CHP1: variants seen among roughly 807,000 people sequenced by gnomAD.
The protein encoded by CHP1 is calcineurin like EF-hand protein 1.
In CHP1, 11 loss-of-function variants were observed where a neutral mutation model predicts 27.4. The ratio of observed to expected loss-of-function variants is 0.40; its 90% confidence interval spans 0.25 to 0.67. CHP1 has a LOEUF of 0.67. CHP1 is among the 30% of genes least tolerant of loss of function. The pLI, the probability that CHP1 is intolerant of heterozygous loss-of-function variation, is 0.38. For missense variants in CHP1, 169 were observed against 251.3 expected, an observed-to-expected ratio of 0.67 and a Z score of 2.22; for synonymous variants, 89 against 87.4, an observed-to-expected ratio of 1.02 and a Z score of -0.10.
intron 1 of CHP1, among the ~76,000 whole-genome samples, chr15:41,241,000 A>C (rs976525823): frequency 2.5e-4 from 38 of 152,048 alleles, no homozygotes; most frequent in African/African-American, 8.9e-4. Flanking sequence ...CTAGAGGCAG[A>C]CGCCACCACA....
intron 4 of CHP1, among the ~76,000 whole-genome samples, chr15:41,263,666 G>A (rs954917362): frequency 2.0e-5 from 3 of 152,186 alleles, no homozygotes; most frequent in African/African-American, 7.2e-5. Flanking sequence ...CTTGAGCCCA[G>A]GAGTTTGAGA....
In CHP1 at chr15:41,231,317, C is replaced by A; in HGVS notation, c.-66C>A. On this transcript the variant is annotated 5_prime_UTR_variant, in exon 1 of 7. Coordinates refer to ENST00000334660, the MANE Select transcript of CHP1 (RefSeq NM_007236.5). ...CTTGACCCCTAGCCCTTCCTTCCCTCCCTCCTTCCCTCCTGTCGCCGTCTC... is the reference window on the plus strand; with the variant it reads ...CTTGACCCCTAGCCCTTCCTTCCCTACCTCCTTCCCTCCTGTCGCCGTCTC... The A allele has an allele frequency of 6.8e-7, 1 of 1,460,438 alleles. No individual in the cohort carries two copies. The highest frequency in any genetic ancestry group is 9.4e-7 in the Non-Finnish European group (1 of 1,062,472). 90.5% of individuals were successfully genotyped at this position (1,460,438 alleles called of 1,614,324 possible).
intron 2 of CHP1, among the ~76,000 whole-genome samples, chr15:41,249,536 G>A (rs1246518649): frequency 3.1e-5 from 4 of 130,282 alleles, no homozygotes; most frequent in South Asian, 5.3e-4. Context: ...GCAGTGGCAC[G>A]ATCTCGGCTC....
At chr15:41,272,614 T>C (rs534025671) in intron 5 of CHP1, among the ~76,000 whole-genome samples, 1 of 151,372 alleles carries the variant, frequency 6.6e-6, no homozygotes, top group African/African-American at 2.4e-5. Context: ...AGAGATGGGG[T>C]TTCGCCATGT....
At chr15:41,259,553 G>C (rs1489151811) in intron 3 of CHP1, among the ~76,000 whole-genome samples, 8 of 144,132 alleles carry the variant, frequency 5.6e-5, no homozygotes, top group Non-Finnish European at 9.0e-5. Context: ...TAAAGAATGA[G>C]ATTTGAAAGT....
intron 4 of CHP1, 82 bp from the exon 5 acceptor site, chr15:41,270,475 T>C: frequency 2.0e-6 from 2 of 1,014,404 alleles, no homozygotes; most frequent in Non-Finnish European, 1.6e-6. Flanking sequence ...CAGTTTTCTG[T>C]CTAGTGTCTT....
At chr15:41,270,652 G>A in intron 5 of CHP1, 34 bp downstream of exon 5, 1 of 1,523,094 alleles carries the variant, frequency 6.6e-7, no homozygotes. Flanking sequence ...CTTGTGCTTG[G>A]ACTCTGCCTG....
intron 4 of CHP1, among the ~76,000 whole-genome samples, chr15:41,264,407 A>C (rs1274304166): frequency 6.6e-6 from 1 of 152,052 alleles, no homozygotes; most frequent in East Asian, 1.9e-4. Flanking sequence ...AATAATAACA[A>C]AGTGCTATGC....
At chr15:41,253,448 TA>T (rs1490271674) in intron 2 of CHP1, among the ~76,000 whole-genome samples, 4 of 150,178 alleles carry the variant, frequency 2.7e-5, no homozygotes, top group African/African-American at 9.8e-5. Flanking sequence ...TTTATTTATT[TA>T]TTTATTTATT....
chr15:41,231,527 G>C, intron 1 of CHP1, 78 bp downstream of exon 1: 1 of 1,412,918 alleles, frequency 7.1e-7, no homozygotes, highest in Non-Finnish European at 9.8e-7. Flanking sequence ...GCTAAGGTCT[G>C]GAGCTCGGGT....
intron 2 of CHP1, 36 bp from the exon 3 acceptor site, chr15:41,256,874 T>G (rs1343316739): frequency 1.5e-5 from 23 of 1,576,838 alleles, no homozygotes; most frequent in Non-Finnish European, 2.0e-5. Flanking sequence ...CTAAGGGCAA[T>G]GATCTCTATC....
chr15:41,262,407 A>G (rs2047438239), intron 3 of CHP1, among the ~76,000 whole-genome samples: 1 of 152,118 alleles, frequency 6.6e-6, no homozygotes, highest in Non-Finnish European at 1.5e-5. Flanking sequence ...GTTCAAAGCA[A>G]TGAGTTCAAG....
intron 5 of CHP1, among the ~76,000 whole-genome samples, chr15:41,271,849 G>A (rs1011414487): frequency 2.4e-4 from 37 of 152,182 alleles, no homozygotes; most frequent in Admixed American, 2.3e-3. Flanking sequence ...AGCGAGAAGC[G>A]TTTATTTTCT....
At chr15:41,273,971 A>AT (rs1407777668) in intron 5 of CHP1, among the ~76,000 whole-genome samples, 1 of 148,786 alleles carries the variant, frequency 6.7e-6, no homozygotes, top group Non-Finnish European at 1.5e-5. Flanking sequence ...CTTTTTTTTT[A>AT]TTTTTTTGAG....
intron 5 of CHP1, chr15:41,272,208 G>C (rs1471490205): frequency 2.0e-5 from 3 of 150,730 alleles, no homozygotes; most frequent in Non-Finnish European, 3.0e-5. Flanking sequence ...ATATTGGCCA[G>C]GCTGGTCTCG....
intron 4 of CHP1, among the ~76,000 whole-genome samples, chr15:41,265,907 A>G (rs1297519126): frequency 8.5e-5 from 13 of 152,154 alleles, no homozygotes; most frequent in Admixed American, 8.5e-4. Flanking sequence ...GCCCAAGCAC[A>G]CATAGTGCCA....
intron 2 of CHP1, among the ~76,000 whole-genome samples, 200 bp downstream of exon 2, chr15:41,243,939 G>A (rs547163092): frequency 3.3e-5 from 5 of 152,128 alleles, no homozygotes; most frequent in East Asian, 3.8e-4. Flanking sequence ...GGTGGCTCAC[G>A]CCTTAATCCC....
chr15:41,258,020 C>G (rs1476095938), intron 3 of CHP1, among the ~76,000 whole-genome samples: 1 of 152,204 alleles, frequency 6.6e-6, no homozygotes, highest in African/African-American at 2.4e-5. Context: ...TCTACATACC[C>G]TCTCTTGCAG....
At chr15:41,240,760 A>T (rs551037351) in intron 1 of CHP1, among the ~76,000 whole-genome samples, 35 of 152,118 alleles carry the variant, frequency 2.3e-4, no homozygotes, top group African/African-American at 6.0e-4. Flanking sequence ...TCTCAAAAAA[A>T]AAAAAAAAAA....
Sources: gnomAD v4.1 joint callset for allele counts (sites outside exome capture counted in the v4.1 genomes callset) on GRCh38, gnomAD v4.1.1 for gene constraint, MANE v1.5 for transcripts, NCBI Gene and HGNC (gene_info 2026-07-23, HGNC 2026-07-21) for gene names.